The following NARS2 variants were observed in gnomAD, a reference collection of about 807,000 sequenced individuals.
The protein encoded by NARS2 is asparaginyl-tRNA synthetase 2, mitochondrial.
Under a neutral mutation model 62.9 loss-of-function variants are expected in NARS2, and 60 were observed. That is an observed-to-expected ratio of 0.95 (90% CI 0.77 to 1.18). The LOEUF (loss-of-function observed/expected upper bound fraction) is 1.18, where lower values mean the gene tolerates loss of function less well. Ranked by LOEUF, NARS2 falls within the 50% of genes most tolerant of loss-of-function variation. The pLI is 0.00. For synonymous variants in NARS2, 196 were observed against 200.0 expected (o/e 0.98, Z 0.17); for missense variants, 619 against 576.4 (o/e 1.07, Z -0.76).
chr11:78,437,461 T>C (rs1329285685), intron 13 of NARS2, among the ~76,000 whole-genome samples: 1 of 151,964 alleles, frequency 6.6e-6, no homozygotes, highest in African/African-American at 2.4e-5. Context: ...ATGCCCAGAG[T>C]CATTTAGCTG....
chr11:78,526,344 T>C (rs1005038589), intron 6 of NARS2, among the ~76,000 whole-genome samples: 2 of 152,110 alleles, frequency 1.3e-5, no homozygotes, highest in Non-Finnish European at 2.9e-5. Context: ...TTTTGGAAAA[T>C]GTTAACTGTC....
At position 78,574,508 on chromosome 11, in the gene NARS2, T is replaced by G. The variant is rs1357615124; in HGVS notation, c.-20A>C. On this transcript the variant is annotated 5_prime_UTR_variant, in exon 1 of 14. Transcript: ENST00000281038. Reference sequence around the variant, plus strand: ...CAGCATCCCGCGTCCGCCCAGGCCCTCCGCGGGAGCAGCCCAGACCCCACG... The same window carrying G: ...CAGCATCCCGCGTCCGCCCAGGCCCGCCGCGGGAGCAGCCCAGACCCCACG... 3 of 1,595,886 alleles carry G rather than the reference T, an allele frequency of 1.9e-6. No individual in the cohort carries two copies. In the African/African-American group the frequency reaches 4.0e-5, roughly 21 times the overall value.
chr11:78,457,797 AACACACAC>A (rs10556136), intron 11 of NARS2, among the ~76,000 whole-genome samples: 6,453 of 148,506 alleles, frequency 0.043, 154 homozygotes, highest in African/African-American at 0.048. Context: ...ATTATGTAAC[AACACACAC>A]ACACACACAC....
intron 5 of NARS2, among the ~76,000 whole-genome samples, chr11:78,557,092 G>C (rs968823044): frequency 2.6e-5 from 4 of 152,168 alleles, no homozygotes; most frequent in African/African-American, 9.7e-5. Flanking sequence ...AAATATCAAA[G>C]TAGGAAATGG....
Position 78,574,446 on chromosome 11 carries a change from A to G in NARS2, c.43T>C (p.Ser15Pro), listed in dbSNP as rs1279553003. 1.9e-6 allele frequency: 3 copies of G among 1,613,796 alleles called. No individual in the cohort carries two copies. The highest frequency in any genetic ancestry group is 3.3e-5 in the Admixed American group (2 of 60,000). The change falls in exon 1 of 14, where the codon TCC becomes CCC. Residue 15 changes from serine to proline, a missense_variant. By Grantham distance (74) the Ser-to-Pro change is moderately conservative. Transcript: ENST00000281038. ...TTGTGCTTGGGGAAGGGGGCGGAGG[A>G]ACAGAAGCGCACGGACCGCAGCAGG... ...RCLLRSVRFC[S>P]SAPFPKHKPS...
At chr11:78,463,100 T>C (rs1427953576) in intron 11 of NARS2, among the ~76,000 whole-genome samples, 3 of 152,216 alleles carry the variant, frequency 2.0e-5, no homozygotes, top group African/African-American at 4.8e-5. Flanking sequence ...GGGCTCCCTC[T>C]GTCGCCCAGG....
rs111981214 is a variant in NARS2 at position 78,571,028 on chromosome 11, G to A, written c.251+307C>T. Among the ~76,000 whole-genome samples, 975 of 152,262 alleles carry A rather than the reference G, an allele frequency of 6.4e-3. 6 individuals carry two copies. The highest frequency in any genetic ancestry group is 0.022 in the African/African-American group (928 of 41,538). ...GGAGAAGAGGCTGTATTGGGCAGAG[G>A]CAGCAACATGTACAAATGCTATTAG... On this transcript the variant is annotated intron_variant, in intron 2 of 13. Coordinates refer to ENST00000281038, the MANE Select transcript of NARS2 (RefSeq NM_024678.6).
chr11:78,493,292 G>T, intron 6 of NARS2, 97 bp from the exon 7 acceptor site: 1 of 1,177,722 alleles, frequency 8.5e-7, no homozygotes, highest in Non-Finnish European at 1.2e-6. Context: ...AAAGTTTTGT[G>T]TGCCTCTGTC....
intron 6 of NARS2, among the ~76,000 whole-genome samples, chr11:78,515,156 G>C (rs1860857215): frequency 6.6e-6 from 1 of 152,212 alleles, no homozygotes; most frequent in Non-Finnish European, 1.5e-5. Context: ...ACCTTGGTGA[G>C]ACTGGGGGTA....
At chr11:78,539,412 G>A (rs578211267) in intron 5 of NARS2, among the ~76,000 whole-genome samples, 2 of 152,288 alleles carry the variant, frequency 1.3e-5, no homozygotes, top group African/African-American at 4.8e-5. Flanking sequence ...AAGCAAATGA[G>A]TAGATGGTAA....
At chr11:78,523,206 A>G (rs1254544223) in intron 6 of NARS2, among the ~76,000 whole-genome samples, 1 of 152,192 alleles carries the variant, frequency 6.6e-6, no homozygotes, top group African/African-American at 2.4e-5. Context: ...TCATGTGCTC[A>G]TTGACTTTAA....
chr11:78,502,534 G>A (rs1860319923), intron 6 of NARS2, among the ~76,000 whole-genome samples: 1 of 152,180 alleles, frequency 6.6e-6, no homozygotes, highest in South Asian at 2.1e-4. Flanking sequence ...TGAATCCTAG[G>A]GGAGAGGCAA....
At chr11:78,480,171 A>G (rs1191698151) in intron 7 of NARS2, among the ~76,000 whole-genome samples, 1 of 152,184 alleles carries the variant, frequency 6.6e-6, no homozygotes, top group East Asian at 1.9e-4. Flanking sequence ...TAGTACGAGG[A>G]TTATAGGCAT....
At chr11:78,488,415 G>A (rs969275296) in intron 7 of NARS2, among the ~76,000 whole-genome samples, 1 of 152,082 alleles carries the variant, frequency 6.6e-6, no homozygotes, top group African/African-American at 2.4e-5. Context: ...TTTAAGATCT[G>A]TGAGCCAAAG....
chr11:78,504,207 G>C (rs2135365710), intron 6 of NARS2, among the ~76,000 whole-genome samples: 2 of 152,288 alleles, frequency 1.3e-5, no homozygotes, highest in East Asian at 3.9e-4. Flanking sequence ...GGAAAGCCCA[G>C]AATAATTACC....
At chr11:78,534,429 TA>T (rs1187659621) in intron 5 of NARS2, among the ~76,000 whole-genome samples, 1 of 152,218 alleles carries the variant, frequency 6.6e-6, no homozygotes, top group Non-Finnish European at 1.5e-5. Flanking sequence ...GAGTAGCAGT[TA>T]TTTTTTTTAG....
rs1565217864 is a variant in NARS2, at chr11:78,468,319, A to AAAAAAAAG, written c.1026+927_1026+928insCTTTTTTT. On this transcript the variant is annotated intron_variant, in intron 10 of 13. Coordinates refer to ENST00000281038, the MANE Select transcript of NARS2 (RefSeq NM_024678.6). ...TGCAAGCACTAAATCTGAAAAAAAA[A>AAAAAAAAG]AAAAAAAAAGAAAAAAAAGAAAAAG... 7.3e-5 allele frequency among the ~76,000 whole-genome samples: 11 copies of AAAAAAAAG among 149,758 alleles called. No individual in the cohort carries two copies. In the East Asian group the frequency reaches 1.9e-3, roughly 26 times the overall value.
At chr11:78,530,623 C>T (rs1182573572) in intron 5 of NARS2, among the ~76,000 whole-genome samples, 1 of 152,166 alleles carries the variant, frequency 6.6e-6, no homozygotes, top group East Asian at 1.9e-4. Context: ...CAGGCATTGG[C>T]CAACATGCCC....
At chr11:78,478,077 A>T (rs1416715183) in intron 9 of NARS2, among the ~76,000 whole-genome samples, 1 of 152,154 alleles carries the variant, frequency 6.6e-6, no homozygotes, top group African/African-American at 2.4e-5. Context: ...TGTAACCTAC[A>T]CTGAGCATGG....
Sources: allele counts gnomAD v4.1 joint callset (sites outside exome capture counted in the v4.1 genomes callset), GRCh38; gene constraint gnomAD v4.1.1; transcripts MANE v1.5; gene names NCBI Gene and HGNC (gene_info 2026-07-23, HGNC 2026-07-21).